The following THSD4 variants were observed in gnomAD, a reference collection of about 807,000 sequenced individuals.
The protein encoded by THSD4 is thrombospondin type-1 domain-containing protein 4.
THSD4 carries 69 observed loss-of-function variants against 119.0 expected under a neutral mutation model. The ratio of observed to expected loss-of-function variants is 0.58; its 90% CI spans 0.48 to 0.71. The LOEUF (loss-of-function observed/expected upper bound fraction) is 0.71. Ranked by LOEUF, THSD4 falls within the 30% of genes least tolerant of loss-of-function variation. The probability of loss-of-function intolerance (pLI) is 0.00; values close to 1 mark genes in which losing one functional copy is unlikely to be tolerated. For missense variants in THSD4, 1,393 were observed against 1,391.1 expected (o/e 1.00, Z -0.02); for synonymous variants, 524 against 540.4 (o/e 0.97, Z 0.42).
At chr15:71,776,011 AAAAC>A (rs1032913434) in intron 17 of THSD4, among the ~76,000 whole-genome samples, 17 of 152,322 alleles carry the variant, frequency 1.1e-4, no homozygotes, top group African/African-American at 3.4e-4. Context: ...TACAAGGAAA[AAAAC>A]AAGAAAACTG....
intron 15 of THSD4, among the ~76,000 whole-genome samples, chr15:71,762,749 TAGG>T (rs1459690708): frequency 1.3e-5 from 2 of 151,866 alleles, no homozygotes; most frequent in East Asian, 3.9e-4. Flanking sequence ...TGGAAGAAAA[TAGG>T]AGAAACAGAG....
intron 3 of THSD4, among the ~76,000 whole-genome samples, chr15:71,173,441 A>G (rs1411613927): frequency 1.3e-5 from 2 of 151,956 alleles, no homozygotes; most frequent in Non-Finnish European, 2.9e-5. Flanking sequence ...AAATATCAGT[A>G]CTATGCAAAG....
intron 11 of THSD4, 108 bp from the exon 12 acceptor site, chr15:71,744,996 CTG>C (rs751129650): frequency 2.8e-4 from 393 of 1,412,124 alleles, no homozygotes; most frequent in Non-Finnish European, 3.6e-4. Flanking sequence ...ATTGTCCTCA[CTG>C]TTTCTGTGCC....
At chr15:71,257,269 C>T (rs1421343977) in intron 6 of THSD4, among the ~76,000 whole-genome samples, 1 of 152,170 alleles carries the variant, frequency 6.6e-6, no homozygotes. Context: ...TCCCACTCTG[C>T]ATGCTGGAGT....
intron 8 of THSD4, among the ~76,000 whole-genome samples, chr15:71,688,363 C>T (rs1250674645): frequency 6.6e-6 from 1 of 152,200 alleles, no homozygotes; most frequent in Non-Finnish European, 1.5e-5. Flanking sequence ...AACATGAGTG[C>T]ATTTACATGC....
chr15:71,165,126 G>T (rs1285622147), intron 3 of THSD4: 1 of 1,610,648 alleles, frequency 6.2e-7, no homozygotes, highest in Non-Finnish European at 8.5e-7. Flanking sequence ...GCCGAAGGAG[G>T]CCTCTTGGGT....
chr15:71,638,368 A>G (rs186322098), intron 7 of THSD4, among the ~76,000 whole-genome samples: 7 of 152,326 alleles, frequency 4.6e-5, no homozygotes, highest in African/African-American at 1.7e-4. Context: ...TTGTGATGAA[A>G]TGTCCTATAG....
At chr15:71,171,842 C>A (rs972918674) in intron 3 of THSD4, among the ~76,000 whole-genome samples, 1 of 152,040 alleles carries the variant, frequency 6.6e-6, no homozygotes, top group African/African-American at 2.4e-5. Flanking sequence ...TAAAGACATG[C>A]CATGTTCATG....
Position 71,215,018 on chromosome 15 carries a change from T to G in THSD4, c.100-17T>G. 1 of 1,252,158 alleles carries G rather than the reference T, an allele frequency of 8.0e-7. No homozygotes were observed. The highest frequency in any genetic ancestry group is 1.0e-6 in the Non-Finnish European group (1 of 991,540). 77.6% of individuals were successfully genotyped at this position (1,252,158 alleles called of 1,614,324 possible). On this transcript the variant is annotated splice_polypyrimidine_tract_variant and intron_variant, in intron 3 of 17. Coordinates refer to ENST00000261862, the MANE Select transcript of THSD4 (RefSeq NM_024817.3). ...GGAGCGGTGTTCTGGTCCCCTAACCTGCCTCTGTCTCCGCAGGTCCCGCAG... is the reference window on the plus strand; with the variant it reads ...GGAGCGGTGTTCTGGTCCCCTAACCGGCCTCTGTCTCCGCAGGTCCCGCAG...
chr15:71,337,566 C>T (rs1294271287), intron 6 of THSD4, among the ~76,000 whole-genome samples: 1 of 152,160 alleles, frequency 6.6e-6, no homozygotes, highest in Non-Finnish European at 1.5e-5. Context: ...TAAAAGGTTT[C>T]CCAGTCAGGG....
intron 7 of THSD4, among the ~76,000 whole-genome samples, chr15:71,452,255 C>A: frequency 6.6e-6 from 1 of 152,170 alleles, no homozygotes; most frequent in African/African-American, 2.4e-5. Context: ...TGGGGTCACT[C>A]TGCAAGGTGA....
intron 15 of THSD4, among the ~76,000 whole-genome samples, chr15:71,763,706 A>G (rs974585831): frequency 6.6e-6 from 1 of 151,968 alleles, no homozygotes; most frequent in Non-Finnish European, 1.5e-5. Flanking sequence ...TGGCCTCCCA[A>G]AGTGCTAGGA....
intron 3 of THSD4, among the ~76,000 whole-genome samples, chr15:71,209,074 C>T (rs2043868467): frequency 6.6e-6 from 1 of 152,152 alleles, no homozygotes; most frequent in Non-Finnish European, 1.5e-5. Context: ...CTGACACCCA[C>T]CTCACCCCCA....
chr15:71,661,494 C>G (rs2140997816), intron 8 of THSD4, among the ~76,000 whole-genome samples: 1 of 151,812 alleles, frequency 6.6e-6, no homozygotes, highest in Middle Eastern at 3.4e-3. Flanking sequence ...CTCCCAGGTT[C>G]AAATGATTCT....
At chr15:71,586,853 T>G (rs2049680948) in intron 7 of THSD4, among the ~76,000 whole-genome samples, 1 of 152,188 alleles carries the variant, frequency 6.6e-6, no homozygotes. Context: ...CTGTTGACAT[T>G]CGTTAAAGGA....
chr15:71,163,327 G>A (rs1174233095), intron 3 of THSD4, among the ~76,000 whole-genome samples: 2 of 151,370 alleles, frequency 1.3e-5, no homozygotes, highest in Non-Finnish European at 2.9e-5. Flanking sequence ...TATTCCTCCT[G>A]AAATTACATA....
intron 7 of THSD4, among the ~76,000 whole-genome samples, chr15:71,567,026 A>G (rs2049254804): frequency 6.6e-6 from 1 of 152,174 alleles, no homozygotes; most frequent in Non-Finnish European, 1.5e-5. Flanking sequence ...TGCAGGACAG[A>G]TAGAGTAATT....
chr15:71,575,868 C>T (rs2049439106), intron 7 of THSD4, among the ~76,000 whole-genome samples: 1 of 152,186 alleles, frequency 6.6e-6, no homozygotes, highest in Non-Finnish European at 1.5e-5. Context: ...GTGGGCTAGG[C>T]TCTGCCTGCA....
intron 8 of THSD4, among the ~76,000 whole-genome samples, chr15:71,663,910 A>C (rs2051361327): frequency 6.6e-6 from 1 of 152,176 alleles, no homozygotes; most frequent in South Asian, 2.1e-4. Flanking sequence ...TATTTGCATA[A>C]GTTTGATCTG....
Sources: gnomAD v4.1 joint callset for allele counts (sites outside exome capture counted in the v4.1 genomes callset) on GRCh38, gnomAD v4.1.1 for gene constraint, MANE v1.5 for transcripts, NCBI Gene and HGNC (gene_info 2026-07-23, HGNC 2026-07-21) for gene names.